LRP6: variants seen among roughly 807,000 people sequenced by gnomAD.
LRP6 encodes low-density lipoprotein receptor-related protein 6.
In LRP6, 43 loss-of-function variants were observed where a neutral mutation model predicts 184.1. The ratio of observed to expected loss-of-function variants is 0.23; its 90% CI spans 0.18 to 0.30. LRP6 has a LOEUF of 0.30. Ranked by LOEUF, LRP6 falls within the 10% of genes least tolerant of loss-of-function variation. The probability of loss-of-function intolerance (pLI) is 1.00; values close to 1 mark genes in which losing one functional copy is unlikely to be tolerated. For synonymous variants in LRP6, 719 were observed against 684.9 expected (o/e 1.05, Z -0.78); for missense variants, 1,571 against 2,005.3 (o/e 0.78, Z 4.14).
intron 10 of LRP6, among the ~76,000 whole-genome samples, chr12:12,161,173 G>C (rs1435296952): frequency 2.0e-5 from 3 of 152,196 alleles, no homozygotes; most frequent in African/African-American, 7.2e-5. Flanking sequence ...GTGCTGACTA[G>C]ATGAATTACT....
intron 7 of LRP6, 37 bp downstream of exon 7, chr12:12,179,773 T>C (rs554039097): frequency 2.3e-5 from 37 of 1,609,002 alleles, no homozygotes; most frequent in South Asian, 3.3e-5. Flanking sequence ...AAACCCATTA[T>C]AAAAGTGGCT....
Position 12,131,344 on chromosome 12 carries a change from G to A in LRP6, c.3971-451C>T, listed in dbSNP as rs529433138. On this transcript the variant is annotated intron_variant, in intron 18 of 22. Coordinates refer to ENST00000261349, the MANE Select transcript of LRP6 (RefSeq NM_002336.3). ...AGGATGGTCTCTATCTCCTGACCTC[G>A]TGATCCGCCCGCCTCGGCCTCCCAA... 9.7e-4 allele frequency among the ~76,000 whole-genome samples: 147 copies of A among 151,878 alleles called. 1 individual carries two copies. Among genetic ancestry groups the A allele is most frequent in the Middle Eastern group, 3.4e-3 (1 of 294 alleles).
intron 2 of LRP6, among the ~76,000 whole-genome samples, chr12:12,221,357 T>C (rs1218687044): frequency 6.6e-6 from 1 of 152,210 alleles, no homozygotes; most frequent in African/African-American, 2.4e-5. Flanking sequence ...GATGACAAGA[T>C]AACCAGTTCT....
intron 2 of LRP6, among the ~76,000 whole-genome samples, chr12:12,224,378 C>G (rs530694566): frequency 6.6e-6 from 1 of 151,842 alleles, no homozygotes; most frequent in African/African-American, 2.4e-5. Context: ...CTAAACAGTA[C>G]AGTCTACATG....
Position 12,187,105 on chromosome 12 carries a change from T to G in LRP6, c.662A>C (p.Lys221Thr). The G allele has an allele frequency of 1.2e-6, 2 of 1,614,164 alleles. No individual in the cohort carries two copies. The highest frequency in any genetic ancestry group is 1.7e-6 in the Non-Finnish European group (2 of 1,180,010). The change falls in exon 4 of 23, where the codon AAA (lysine) becomes ACA (threonine). Residue 221 changes from lysine (K) to threonine (T), a missense_variant. By Grantham distance (78) the Lys-to-Thr change is moderately conservative (BLOSUM62 -1). Coordinates refer to ENST00000261349, the MANE Select transcript of LRP6 (RefSeq NM_002336.3). ...LDGTNRQAVVKGSLPHPFALT... is the reference protein window; with the variant it reads ...LDGTNRQAVVTGSLPHPFALT... ...GGCAAAAGGATGTGGAAGGGAACCTTTAACCACTGCCTGCCTATTAACATA... is the reference window on the plus strand; with the variant it reads ...GGCAAAAGGATGTGGAAGGGAACCTGTAACCACTGCCTGCCTATTAACATA...
chr12:12,254,652 C>T (rs923698303), intron 1 of LRP6, among the ~76,000 whole-genome samples: 5 of 152,208 alleles, frequency 3.3e-5, no homozygotes, highest in African/African-American at 9.7e-5. Flanking sequence ...GCAACCAAGG[C>T]TTTGACTGGA....
intron 3 of LRP6, among the ~76,000 whole-genome samples, chr12:12,194,527 T>C (rs541771387): frequency 1.2e-3 from 183 of 152,244 alleles, no homozygotes; most frequent in Non-Finnish European, 2.2e-3. Context: ...TAAGTGTGCA[T>C]CCACAGAAAA....
intron 7 of LRP6, among the ~76,000 whole-genome samples, chr12:12,170,159 G>A (rs1471690870): frequency 2.0e-5 from 3 of 151,988 alleles, no homozygotes; most frequent in African/African-American, 7.2e-5. Context: ...ACATGGTGAA[G>A]CCCCCTCTCT....
chr12:12,130,739 A>C, intron 19 of LRP6, 44 bp downstream of exon 19: 1 of 1,273,042 alleles, frequency 7.9e-7, no homozygotes, highest in Non-Finnish European at 1.1e-6. Flanking sequence ...AAAATTGTTT[A>C]AATTCTCTGT....
At chr12:12,137,647 T>C (rs1565545624) in intron 16 of LRP6, among the ~76,000 whole-genome samples, 4 of 151,764 alleles carry the variant, frequency 2.6e-5, no homozygotes, top group African/African-American at 7.3e-5. Flanking sequence ...TTTCAAGCTA[T>C]GGGGGGAAGT....
In LRP6 at chr12:12,120,647, T is replaced by G. The variant is rs1949592667; in HGVS notation, c.*479A>C. 6.5e-6 allele frequency: 1 copy of G among 152,878 alleles called. No individual in the cohort carries two copies. Among genetic ancestry groups the G allele is most frequent in the Non-Finnish European group, 1.5e-5 (1 of 68,240 alleles). The allele number at this position is 152,878 out of a possible 1,614,324, so 9.5% of individuals were successfully genotyped here. On this transcript the variant is annotated 3_prime_UTR_variant, in exon 23 of 23. Transcript: ENST00000261349. Reference sequence around the variant, plus strand: ...TTTTTTCCTTTCATCATTTCTTACTTGTTGGCCCTCAAATGTTAGTTAACT... The same window carrying G: ...TTTTTTCCTTTCATCATTTCTTACTGGTTGGCCCTCAAATGTTAGTTAACT...
At chr12:12,129,478 A>T (rs987607398) in intron 19 of LRP6, among the ~76,000 whole-genome samples, 2 of 152,136 alleles carry the variant, frequency 1.3e-5, no homozygotes, top group Non-Finnish European at 2.9e-5. Flanking sequence ...TTTGAACAGT[A>T]TATTCCCTCT....
intron 15 of LRP6, among the ~76,000 whole-genome samples, chr12:12,145,833 T>C (rs566106812): frequency 1.1e-4 from 16 of 151,982 alleles, no homozygotes; most frequent in East Asian, 7.8e-4. Context: ...CATTTTGCCA[T>C]GTTGGCCAGG....
intron 1 of LRP6, 130 bp from the exon 2 acceptor site, chr12:12,244,785 G>A (rs1865145359): frequency 3.7e-6 from 3 of 819,650 alleles, no homozygotes; most frequent in East Asian, 5.3e-5. Flanking sequence ...AAATCATTAG[G>A]AGACCATCTA....
chr12:12,156,150 G>T (rs1049269140), intron 12 of LRP6, among the ~76,000 whole-genome samples: 1 of 152,132 alleles, frequency 6.6e-6, no homozygotes, highest in African/African-American at 2.4e-5. Context: ...ACAGATAAGG[G>T]GCACTGGCAC....
Position 12,119,724 on chromosome 12 carries a change from T to C in LRP6, c.*1402A>G, listed in dbSNP as rs184058212. The C allele has an allele frequency of 3.0e-4, 46 of 152,018 alleles. No individual in the cohort carries two copies. In the East Asian group the frequency reaches 7.5e-3, roughly 25 times the overall value. The allele number at this position is 152,018 out of a possible 1,614,324, so 9.4% of individuals were successfully genotyped here. A position where few individuals can be genotyped will look rare whatever the true frequency, so the allele number is the denominator to read the frequency against. ...GTAAGAGAGGACCCACATAAAAATA[T>C]TGGGTGATTACAAGAATAATTTGTG... On this transcript the variant is annotated 3_prime_UTR_variant, in exon 23 of 23. Transcript: ENST00000261349.
At chr12:12,200,018 G>A (rs1456454884) in intron 3 of LRP6, among the ~76,000 whole-genome samples, 1 of 143,578 alleles carries the variant, frequency 7.0e-6, no homozygotes, top group Admixed American at 7.0e-5. Flanking sequence ...CTCATCCAGA[G>A]GTATATAGGC....
intron 2 of LRP6, among the ~76,000 whole-genome samples, chr12:12,222,514 C>G (rs1440411177): frequency 6.6e-6 from 1 of 150,880 alleles, no homozygotes; most frequent in Non-Finnish European, 1.5e-5. Context: ...TTGCAGTGAG[C>G]CAAGATCGCG....
rs1565650278 is a variant in LRP6, at chr12:12,207,552, C to T, written c.450-4152G>A. The stretch of plus-strand genomic sequence containing the variant: ...AATAATAATATTAATAATAATAACG[C>T]TTTCAGTGGCAGGCATCACGAGGGC... On this transcript the variant is annotated intron_variant, in intron 2 of 22. Coordinates refer to ENST00000261349, the MANE Select transcript of LRP6 (RefSeq NM_002336.3). Among the ~76,000 whole-genome samples the T allele has an allele frequency of 3.3e-5, 5 of 152,058 alleles. No homozygotes were observed. In the South Asian group the frequency reaches 8.3e-4, roughly 25 times the overall value.
Sources: allele counts gnomAD v4.1 joint callset (sites outside exome capture counted in the v4.1 genomes callset), GRCh38; gene constraint gnomAD v4.1.1; transcripts MANE v1.5; gene names NCBI Gene and HGNC (gene_info 2026-07-23, HGNC 2026-07-21).